The following PCDHA2 variants were observed in gnomAD, a reference collection of about 807,000 sequenced individuals.
The protein encoded by PCDHA2 is protocadherin alpha-2.
A neutral mutation model predicts 66.0 loss-of-function variants in PCDHA2; 58 were observed. The ratio of observed to expected loss-of-function variants is 0.88; its 90% confidence interval spans 0.71 to 1.09. The LOEUF (loss-of-function observed/expected upper bound fraction) is 1.09, where lower values mean the gene tolerates loss of function less well. PCDHA2 is among the 50% of genes least tolerant of loss of function. PCDHA2 has a pLI of 0.00. For synonymous variants in PCDHA2, 634 were observed against 554.0 expected (o/e 1.14, Z -2.03); for missense variants, 1,267 against 1,242.3 (o/e 1.02, Z -0.30).
chr5:140,880,381 A>C (rs2058322833), intron 1 of PCDHA2, among the ~76,000 whole-genome samples: 1 of 152,196 alleles, frequency 6.6e-6, no homozygotes, highest in Admixed American at 6.5e-5. Context: ...GAGAATAGAA[A>C]ATAATTTTTA....
chr5:140,870,224 C>T, intron 1 of PCDHA2: 1 of 1,614,184 alleles, frequency 6.2e-7, no homozygotes, highest in Admixed American at 1.7e-5. Flanking sequence ...ATCAGCGTGT[C>T]TGACCGTGAC....
chr5:140,796,768 G>A lies in PCDHA2; in HGVS notation c.1804G>A (p.Gly602Ser). ...GGTGCGCGCAGTGGACGCTGACTCA[G>A]GCTACAACGCGTGGCTTTCGTACGA... ...AKVRAVDADS[G>S]YNAWLSYELQ... Residue 602 changes from glycine (G) to serine (S), a missense_variant, in exon 1 of 4, where the codon GGC (glycine) becomes AGC (serine). Coordinates refer to ENST00000526136, the MANE Select transcript of PCDHA2 (RefSeq NM_018905.3). The A allele has an allele frequency of 1.9e-6, 3 of 1,614,160 alleles. No homozygotes were observed. Among genetic ancestry groups the A allele is most frequent in the Non-Finnish European group, 2.5e-6 (3 of 1,179,972 alleles).
chr5:140,990,184 A>G lies in PCDHA2; in HGVS notation c.2536+7621A>G, dbSNP rs1230599539. 1.3e-5 allele frequency among the ~76,000 whole-genome samples: 2 copies of G among 152,158 alleles called. 1 individual carries two copies. The highest frequency in any genetic ancestry group is 2.9e-5 in the Non-Finnish European group (2 of 68,034). ...GGGTATGAAAAGGTGACTTTTAAGA[A>G]CCAAATGTGGACCCGAAAGAGAACA... is the stretch of plus-strand genomic sequence containing the variant. On this transcript the variant is annotated intron_variant, in intron 3 of 3. Transcript: ENST00000526136.
chr5:140,799,299 A>G (rs1252466178), intron 1 of PCDHA2, among the ~76,000 whole-genome samples: 1 of 152,096 alleles, frequency 6.6e-6, no homozygotes, highest in Admixed American at 6.5e-5. Flanking sequence ...CCATTTTGCA[A>G]TTAGTATAAC....
chr5:140,804,891 C>A, intron 1 of PCDHA2: 2 of 669,166 alleles, frequency 3.0e-6, no homozygotes, highest in Non-Finnish European at 4.6e-6. Flanking sequence ...CCTCTCCTTC[C>A]CCTCACTTCC....
At chr5:140,882,454 C>G (rs782708863) in intron 1 of PCDHA2, 12 of 1,613,934 alleles carry the variant, frequency 7.4e-6, no homozygotes, top group Non-Finnish European at 1.0e-5. Flanking sequence ...TGGTGCCGCG[C>G]CTGTTCCGGG....
chr5:140,927,493 C>G, intron 1 of PCDHA2: 1 of 1,614,144 alleles, frequency 6.2e-7, no homozygotes. Flanking sequence ...CACCCACCTG[C>G]TGGTGCTTAC....
intron 1 of PCDHA2, among the ~76,000 whole-genome samples, chr5:140,935,203 A>T (rs1403808889): frequency 6.6e-6 from 1 of 152,160 alleles, no homozygotes; most frequent in African/African-American, 2.4e-5. Flanking sequence ...GTTTCTAGGT[A>T]TCTTCAGCTA....
chr5:140,849,560 C>T, intron 1 of PCDHA2: 1 of 1,598,572 alleles, frequency 6.3e-7, no homozygotes, highest in Non-Finnish European at 8.6e-7. Context: ...TCAAAACGCT[C>T]TCGGTTCCTG....
intron 1 of PCDHA2, among the ~76,000 whole-genome samples, chr5:140,874,944 G>A (rs2055185348): frequency 6.6e-6 from 1 of 152,170 alleles, no homozygotes; most frequent in Non-Finnish European, 1.5e-5. Context: ...TGAAACAGCG[G>A]AATTGTAAGC....
intron 1 of PCDHA2, chr5:140,968,960 T>C (rs1563384845): frequency 6.2e-7 from 1 of 1,614,212 alleles, no homozygotes; most frequent in South Asian, 1.1e-5. Context: ...CATCAAGTGC[T>C]ACCGCTACAC....
intron 1 of PCDHA2, chr5:140,841,611 G>C (rs2150319293): frequency 6.2e-7 from 1 of 1,614,018 alleles, no homozygotes. Context: ...GAGCTGTGCG[G>C]GCGGAGCGCG....
At chr5:140,820,574 T>A (rs1766784523) in intron 1 of PCDHA2, among the ~76,000 whole-genome samples, 1 of 152,082 alleles carries the variant, frequency 6.6e-6, no homozygotes. Flanking sequence ...TGCCCATATT[T>A]ATTAAGTGAA....
intron 1 of PCDHA2, among the ~76,000 whole-genome samples, chr5:140,920,419 T>C (rs1282192714): frequency 6.6e-6 from 1 of 152,232 alleles, no homozygotes. Flanking sequence ...GATACAGCTG[T>C]TCTCCCACAC....
chr5:140,851,571 A>C (rs1036529099), intron 1 of PCDHA2: 1 of 908,760 alleles, frequency 1.1e-6, no homozygotes, highest in Admixed American at 6.3e-5. Context: ...TTTTGTCTAC[A>C]CTTAGAACAT....
intron 1 of PCDHA2, chr5:140,822,027 T>C: frequency 6.2e-7 from 1 of 1,614,174 alleles, no homozygotes. Flanking sequence ...GCATTTTGTT[T>C]GTGAATTCTC....
At chr5:140,970,909 A>G (rs1356718314) in intron 1 of PCDHA2, among the ~76,000 whole-genome samples, 1 of 152,180 alleles carries the variant, frequency 6.6e-6, no homozygotes, top group African/African-American at 2.4e-5. Context: ...AGATTTATTC[A>G]TTTATCAGAA....
chr5:140,795,449 T>C lies in PCDHA2; in HGVS notation c.485T>C (p.Ile162Thr), dbSNP rs782684873. The C allele has an allele frequency of 9.3e-6, 15 of 1,614,206 alleles. No homozygotes were observed. Among genetic ancestry groups the C allele is most frequent in the Middle Eastern group, 1.6e-4 (1 of 6,062 alleles). The change falls in exon 1 of 4, where the codon ATA becomes ACA. Residue 162 changes from isoleucine (I) to threonine (T), a missense_variant. Transcript: ENST00000526136. ...CTAGAGGGAGCATCTGATGCAGATA[T>C]AGGAGTAAATGCTCTTCTCTCCTAC... is the stretch of plus-strand genomic sequence containing the variant. Reference protein sequence around the residue: ...FPLEGASDADIGVNALLSYKL... With the variant: ...FPLEGASDADTGVNALLSYKL...
chr5:140,937,292 C>T (rs575821972), intron 1 of PCDHA2, among the ~76,000 whole-genome samples: 2 of 152,238 alleles, frequency 1.3e-5, no homozygotes, highest in African/African-American at 4.8e-5. Context: ...CCGCTTCGGC[C>T]TCCCAAAGTG....
Sources: allele counts gnomAD v4.1 joint callset (sites outside exome capture counted in the v4.1 genomes callset), GRCh38; gene constraint gnomAD v4.1.1; transcripts MANE v1.5; gene names NCBI Gene and HGNC (gene_info 2026-07-23, HGNC 2026-07-21).